PTHLH: variants seen among roughly 807,000 people sequenced by gnomAD.
The protein encoded by PTHLH is parathyroid hormone like hormone.
Under a neutral mutation model 18.6 loss-of-function variants are expected in PTHLH, and 5 were observed. That is an observed-to-expected ratio of 0.27 (90% CI 0.14 to 0.56). PTHLH has a LOEUF of 0.56. PTHLH is among the 20% of genes least tolerant of loss of function. The pLI is 0.92. For missense variants in PTHLH, 207 were observed against 223.9 expected, an observed-to-expected ratio of 0.92 and a Z score of 0.48; for synonymous variants, 90 against 94.0, an observed-to-expected ratio of 0.96 and a Z score of 0.25.
Position 27,958,548 on chromosome 12 carries a change from TG to T in PTHLH, c.*10del. The T allele has an allele frequency of 6.4e-7, 1 of 1,574,564 alleles. No individual in the cohort carries two copies. Among genetic ancestry groups the T allele is most frequent in the Non-Finnish European group, 8.6e-7 (1 of 1,157,888 alleles). The stretch of plus-strand genomic sequence containing the variant: ...CTGCAATATGTCCTTGGAAGGTCTC[TG>T]CTGAAAATTTCAATGCCTCCTGCAA... On this transcript the variant is annotated 3_prime_UTR_variant, in exon 6 of 6. Coordinates refer to ENST00000545234, the MANE Select transcript of PTHLH (RefSeq NM_198965.2).
chr12:27,961,077 C>T (rs1265804874), intron 5 of PTHLH, among the ~76,000 whole-genome samples: 1 of 151,778 alleles, frequency 6.6e-6, no homozygotes, highest in Non-Finnish European at 1.5e-5. Flanking sequence ...GCAGAAACCT[C>T]CTATTTCTTT....
In PTHLH at chr12:27,963,570, C is replaced by T. The variant is rs2120632028; in HGVS notation, c.302G>A (p.Gly101Asp). The T allele has an allele frequency of 1.2e-6, 2 of 1,614,178 alleles. No homozygotes were observed. Among genetic ancestry groups the T allele is most frequent in the Middle Eastern group, 1.6e-4 (1 of 6,062 alleles). The change falls in exon 5 of 6, where the codon GGC becomes GAC. Residue 101 changes from glycine to aspartate, a missense_variant. Transcript: ENST00000545234. Reference sequence around the variant, plus strand: ...GTTAGTTTCCTGAGTTAGGTATCTGCCCTCATCATCAGACCCAAATCGGAC... The same window carrying T: ...GTTAGTTTCCTGAGTTAGGTATCTGTCCTCATCATCAGACCCAAATCGGAC... Reference protein sequence around the residue: ...HPVRFGSDDEGRYLTQETNKV... With the variant: ...HPVRFGSDDEDRYLTQETNKV...
chr12:27,961,151 G>A (rs1396745037), intron 5 of PTHLH, among the ~76,000 whole-genome samples: 3 of 151,250 alleles, frequency 2.0e-5, no homozygotes, highest in Admixed American at 6.6e-5. Flanking sequence ...TTTAACTTAG[G>A]GGTAGTTCCA....
chr12:27,964,365 G>GAGA (rs1389286388), intron 4 of PTHLH, among the ~76,000 whole-genome samples: 5 of 151,900 alleles, frequency 3.3e-5, no homozygotes, highest in Admixed American at 3.3e-4. Context: ...AAGGCTGAAG[G>GAGA]AGAAGTGAGC....
intron 4 of PTHLH, among the ~76,000 whole-genome samples, chr12:27,964,076 T>C (rs539562165): frequency 2.6e-5 from 4 of 152,300 alleles, no homozygotes; most frequent in Non-Finnish European, 5.9e-5. Context: ...GACAGTGATT[T>C]CTATACTTCC....
intron 3 of PTHLH, 114 bp from the exon 4 acceptor site, chr12:27,969,630 T>C: frequency 1.0e-6 from 1 of 968,772 alleles, no homozygotes; most frequent in South Asian, 1.3e-5. Flanking sequence ...ATCAAGGGCA[T>C]CTCCCAAGTT....
chr12:27,959,524 A>G (rs1397230958), intron 5 of PTHLH, among the ~76,000 whole-genome samples: 1 of 152,084 alleles, frequency 6.6e-6, no homozygotes, highest in Non-Finnish European at 1.5e-5. Flanking sequence ...TGTGTGGTCT[A>G]TGTATTTGTT....
At chr12:27,966,787 C>T (rs1191455278) in intron 4 of PTHLH, among the ~76,000 whole-genome samples, 1 of 151,994 alleles carries the variant, frequency 6.6e-6, no homozygotes, top group East Asian at 1.9e-4. Context: ...CATAGTTCTT[C>T]TCCTTTAAAA....
chr12:27,972,651 A>T lies in PTHLH; in HGVS notation c.-487T>A, dbSNP rs1178695422. 1 of 152,222 alleles carries T rather than the reference A, an allele frequency of 6.6e-6. No individual in the cohort carries two copies. The highest frequency in any genetic ancestry group is 1.5e-5 in the Non-Finnish European group (1 of 68,040). The allele number at this position is 152,222 out of a possible 1,614,324, so 9.4% of individuals were successfully genotyped here. A position where few individuals can be genotyped will look rare whatever the true frequency, so the allele number is the denominator to read the frequency against. On this transcript the variant is annotated 5_prime_UTR_variant, in exon 1 of 6. Coordinates refer to ENST00000545234, the MANE Select transcript of PTHLH (RefSeq NM_198965.2). The stretch of plus-strand genomic sequence containing the variant: ...TAAAATTAAATCTTAAAATGAATTA[A>T]AAGCTTCTTGAAAGGAGACTTCTGT...
intron 4 of PTHLH, among the ~76,000 whole-genome samples, chr12:27,966,404 A>C (rs549131823): frequency 6.6e-6 from 1 of 152,372 alleles, no homozygotes; most frequent in African/African-American, 2.4e-5. Context: ...TAGTATTTCA[A>C]AAACTTCTGC....
In PTHLH at chr12:27,969,460, G is replaced by A. The variant is rs2062848248; in HGVS notation, c.35C>T (p.Ala12Val). Residue 12 changes from alanine to valine, a missense_variant, in exon 4 of 6, where the codon GCG becomes GTG. Coordinates refer to ENST00000545234, the MANE Select transcript of PTHLH (RefSeq NM_198965.2). Reference sequence around the variant, plus strand: ...CACCGCGTAGCTCAGCAGGAACACCGCGACGCTCCACTGCTGAACCAGTCT... The same window carrying A: ...CACCGCGTAGCTCAGCAGGAACACCACGACGCTCCACTGCTGAACCAGTCT... ...QRRLVQQWSV[A>V]VFLLSYAVPS... 10 of 1,591,690 alleles carry A rather than the reference G, an allele frequency of 6.3e-6. No individual in the cohort carries two copies. The highest frequency in any genetic ancestry group is 8.5e-6 in the Non-Finnish European group (10 of 1,170,862).
At chr12:27,962,276 G>A (rs1166278543) in intron 5 of PTHLH, 1 of 244,448 alleles carries the variant, frequency 4.1e-6, no homozygotes, top group Non-Finnish European at 7.7e-6. Flanking sequence ...ATAGATTATA[G>A]ATAGGTAGAT....
Position 27,964,265 on chromosome 12 carries a change from T to TC in PTHLH, c.102-496dup, listed in dbSNP as rs2062790946. Among the ~76,000 whole-genome samples, 251 of 83,514 alleles carry TC rather than the reference T, an allele frequency of 3.0e-3. 2 individuals carry two copies. Among genetic ancestry groups the TC allele is most frequent in the African/African-American group, 0.011 (220 of 20,112 alleles). The allele number at this position is 83,514 out of a possible 152,430, so 54.8% of individuals were successfully genotyped here. A position where few individuals can be genotyped will look rare whatever the true frequency, so the allele number is the denominator to read the frequency against. ...CTCTCTCTCTCTCTCTCTCTCTCTCTCTCCTCTCTCTCTCTCACACACACA... is the reference window on the plus strand; with the variant it reads ...CTCTCTCTCTCTCTCTCTCTCTCTCTCCTCCTCTCTCTCTCTCACACACACA... On this transcript the variant is annotated intron_variant, in intron 4 of 5. Transcript: ENST00000545234.
At chr12:27,967,424 A>G (rs1487518601) in intron 4 of PTHLH, among the ~76,000 whole-genome samples, 1 of 152,224 alleles carries the variant, frequency 6.6e-6, no homozygotes, top group South Asian at 2.1e-4. Flanking sequence ...TTTCCCTAAT[A>G]CTTGGTGTGA....
At chr12:27,968,850 G>A (rs186518781) in intron 4 of PTHLH, among the ~76,000 whole-genome samples, 149 of 152,330 alleles carry the variant, frequency 9.8e-4, no homozygotes, top group Admixed American at 3.3e-3. Context: ...TCGTGCCACT[G>A]CAAAGTTGTT....
Position 27,970,240 on chromosome 12 carries a change from A to G in PTHLH, c.-238T>C. ...TGGAGGCGAGTTGAAAACCGAGCGG[A>G]GGAATGTTCACACGCTCCGAGGCAA... is the stretch of plus-strand genomic sequence containing the variant. On this transcript the variant is annotated 5_prime_UTR_variant, in exon 3 of 6. Coordinates refer to ENST00000545234, the MANE Select transcript of PTHLH (RefSeq NM_198965.2). 1 of 469,534 alleles carries G rather than the reference A, an allele frequency of 2.1e-6. No individual in the cohort carries two copies. Among genetic ancestry groups the G allele is most frequent in the Non-Finnish European group, 4.2e-6 (1 of 236,076 alleles). The allele number at this position is 469,534 out of a possible 1,614,324, so 29.1% of individuals were successfully genotyped here.
chr12:27,965,495 A>G (rs1407993631), intron 4 of PTHLH, among the ~76,000 whole-genome samples: 1 of 152,248 alleles, frequency 6.6e-6, no homozygotes, highest in Non-Finnish European at 1.5e-5. Context: ...TCACTGGATG[A>G]ATGAGTCAAA....
Position 27,958,403 on chromosome 12 carries a change from C to A in PTHLH, c.*156G>T. On this transcript the variant is annotated 3_prime_UTR_variant, in exon 6 of 6. Transcript: ENST00000545234. Reference sequence around the variant, plus strand: ...AGCCTTGGCAAAAAAAAAATATTCACAATGACCAATGTGCAGTTTCATAGA... The same window carrying A: ...AGCCTTGGCAAAAAAAAAATATTCAAAATGACCAATGTGCAGTTTCATAGA... 1.8e-6 allele frequency: 1 copy of A among 560,162 alleles called. No individual in the cohort carries two copies. Among genetic ancestry groups the A allele is most frequent in the Non-Finnish European group, 2.8e-6 (1 of 355,648 alleles). The allele number at this position is 560,162 out of a possible 1,614,324, so 34.7% of individuals were successfully genotyped here. A position where few individuals can be genotyped will look rare whatever the true frequency, so the allele number is the denominator to read the frequency against.
intron 4 of PTHLH, among the ~76,000 whole-genome samples, chr12:27,965,232 CAA>C (rs1157952885): frequency 1.3e-5 from 2 of 152,220 alleles, no homozygotes; most frequent in Non-Finnish European, 2.9e-5. Context: ...ATTCTAAAGC[CAA>C]GACTGCTTTT....
Sources: allele counts gnomAD v4.1 joint callset (sites outside exome capture counted in the v4.1 genomes callset), GRCh38; gene constraint gnomAD v4.1.1; transcripts MANE v1.5; gene names NCBI Gene and HGNC (gene_info 2026-07-23, HGNC 2026-07-21).